Variants in VWC2L observed in about 807,000 individuals in gnomAD.
VWC2L encodes the protein von Willebrand factor C domain containing 2 like, also known as von Willebrand factor C domain-containing protein 2-like.
A neutral mutation model predicts 21.6 loss-of-function variants in VWC2L; 10 were observed. That is an observed-to-expected ratio of 0.46 (90% CI 0.29 to 0.78). The LOEUF is 0.78. VWC2L is among the 30% of genes least tolerant of loss of function. VWC2L has a pLI of 0.10. For synonymous variants in VWC2L, 96 were observed against 94.3 expected (o/e 1.02, Z -0.10); for missense variants, 209 against 277.1 (o/e 0.75, Z 1.74).
intron 3 of VWC2L, among the ~76,000 whole-genome samples, chr2:214,506,257 T>C (rs1469152794): frequency 6.6e-6 from 1 of 152,202 alleles, no homozygotes; most frequent in Non-Finnish European, 1.5e-5. Context: ...GAAGGATTTA[T>C]ATCTGTAGCA....
intron 2 of VWC2L, 97 bp downstream of exon 2, chr2:214,414,680 T>A: frequency 1.5e-6 from 2 of 1,333,466 alleles, no homozygotes; most frequent in Non-Finnish European, 2.0e-6. Flanking sequence ...AAATGTACTT[T>A]AAAATTTCCC....
chr2:214,562,939 G>A (rs1267686758), intron 3 of VWC2L, among the ~76,000 whole-genome samples: 1 of 152,080 alleles, frequency 6.6e-6, no homozygotes, highest in African/African-American at 2.4e-5. Flanking sequence ...TAGTTTTGCT[G>A]TACAGAAGAT....
At chr2:214,489,000 G>T (rs553427894) in intron 3 of VWC2L, among the ~76,000 whole-genome samples, 1 of 152,274 alleles carries the variant, frequency 6.6e-6, no homozygotes, top group Non-Finnish European at 1.5e-5. Context: ...TCACATTTCA[G>T]CATGAGATTT....
rs145054102 is a variant in VWC2L, at chr2:214,514,557, C to T, written c.521-61115C>T. ...CCCTCCACTTCAGCATATTCAGTTGCGAAGGGGCAACATTTTGCCAAGCAG... is the reference window on the plus strand; with the variant it reads ...CCCTCCACTTCAGCATATTCAGTTGTGAAGGGGCAACATTTTGCCAAGCAG... On this transcript the variant is annotated intron_variant, in intron 3 of 3. Coordinates refer to ENST00000312504, the MANE Select transcript of VWC2L (RefSeq NM_001080500.4). 7.8e-4 allele frequency among the ~76,000 whole-genome samples: 118 copies of T among 152,124 alleles called. 2 individuals carry two copies. In the East Asian group the frequency reaches 0.02, roughly 25 times the overall value.
intron 3 of VWC2L, among the ~76,000 whole-genome samples, chr2:214,497,782 T>G (rs1175027721): frequency 6.6e-6 from 1 of 152,206 alleles, no homozygotes; most frequent in Non-Finnish European, 1.5e-5. Context: ...GGATTTATAT[T>G]CATAACAAAC....
At chr2:214,452,597 T>C (rs1702975969) in intron 3 of VWC2L, among the ~76,000 whole-genome samples, 1 of 152,186 alleles carries the variant, frequency 6.6e-6, no homozygotes, top group Non-Finnish European at 1.5e-5. Context: ...ACTTTCTTTT[T>C]TGAATATGCC....
At chr2:214,520,485 C>T (rs1213502429) in intron 3 of VWC2L, among the ~76,000 whole-genome samples, 2 of 152,122 alleles carry the variant, frequency 1.3e-5, no homozygotes, top group Non-Finnish European at 2.9e-5. Flanking sequence ...GACCATGAGT[C>T]TTTGTTCATG....
intron 3 of VWC2L, among the ~76,000 whole-genome samples, chr2:214,437,901 C>T (rs987123074): frequency 2.0e-5 from 3 of 152,008 alleles, no homozygotes; most frequent in African/African-American, 4.8e-5. Context: ...TCCAGATACA[C>T]GTTTTGCTAT....
At position 214,444,560 on chromosome 2, in the gene VWC2L, A is replaced by C. The variant is rs550469776; in HGVS notation, c.520+7802A>C. Among the ~76,000 whole-genome samples the C allele has an allele frequency of 8.5e-5, 13 of 152,186 alleles. No homozygotes were observed. In the South Asian group the frequency reaches 2.5e-3, roughly 29 times the overall value. On this transcript the variant is annotated intron_variant, in intron 3 of 3. Transcript: ENST00000312504. Reference sequence around the variant, plus strand: ...GATGTAACTTTTTAAATAAGTTGACAAAATAAACATTTCTTGTGAAAATGT... The same window carrying C: ...GATGTAACTTTTTAAATAAGTTGACCAAATAAACATTTCTTGTGAAAATGT...
At chr2:214,473,159 G>T (rs1048490430) in intron 3 of VWC2L, among the ~76,000 whole-genome samples, 1 of 152,144 alleles carries the variant, frequency 6.6e-6, no homozygotes, top group African/African-American at 2.4e-5. Context: ...TAAGCAAATT[G>T]CTCACAATAA....
chr2:214,467,051 G>T (rs539193216), intron 3 of VWC2L, among the ~76,000 whole-genome samples: 6 of 152,160 alleles, frequency 3.9e-5, no homozygotes, highest in African/African-American at 1.2e-4. Context: ...ACAAAGTTAC[G>T]TGGAAATACT....
chr2:214,430,459 GGAGA>G (rs1465206652), intron 2 of VWC2L, among the ~76,000 whole-genome samples: 1 of 152,076 alleles, frequency 6.6e-6, no homozygotes, highest in Non-Finnish European at 1.5e-5. Context: ...TATTGGAGTA[GGAGA>G]GATATATAGT....
At chr2:214,425,481 T>C (rs999812215) in intron 2 of VWC2L, among the ~76,000 whole-genome samples, 5 of 152,248 alleles carry the variant, frequency 3.3e-5, no homozygotes, top group African/African-American at 1.2e-4. Flanking sequence ...TAATTTTCCA[T>C]TCACTGAAAA....
chr2:214,574,651 C>T (rs955281668), intron 3 of VWC2L, among the ~76,000 whole-genome samples: 2 of 152,176 alleles, frequency 1.3e-5, no homozygotes, highest in Non-Finnish European at 2.9e-5. Flanking sequence ...ACTCAACATT[C>T]TCTCTCTTTA....
chr2:214,439,256 A>C (rs981944893), intron 3 of VWC2L, among the ~76,000 whole-genome samples: 3 of 152,036 alleles, frequency 2.0e-5, no homozygotes, highest in Non-Finnish European at 4.4e-5. Context: ...AATGATATAT[A>C]GAAGACATGG....
chr2:214,443,666 G>C (rs945109871), intron 3 of VWC2L, among the ~76,000 whole-genome samples: 1 of 152,032 alleles, frequency 6.6e-6, no homozygotes, highest in Non-Finnish European at 1.5e-5. Context: ...GACTGAAGTG[G>C]ACAATTTTTA....
intron 3 of VWC2L, among the ~76,000 whole-genome samples, chr2:214,521,280 A>AT (rs1264716405): frequency 0.059 from 8,634 of 147,056 alleles, 317 homozygotes; most frequent in Non-Finnish European, 0.075. Context: ...AATAAATAAA[A>AT]CTACCAAGTT....
chr2:214,427,258 T>G (rs1702538741), intron 2 of VWC2L, among the ~76,000 whole-genome samples: 1 of 152,120 alleles, frequency 6.6e-6, no homozygotes, highest in African/African-American at 2.4e-5. Flanking sequence ...CCCCCAACAT[T>G]AAAAATAAAA....
intron 3 of VWC2L, 113 bp from the exon 4 acceptor site, chr2:214,575,559 C>G: frequency 8.6e-7 from 1 of 1,160,978 alleles, no homozygotes; most frequent in Non-Finnish European, 1.2e-6. Context: ...GATGATAAGT[C>G]AGTAGAGTAG....
Sources: allele counts gnomAD v4.1 joint callset (sites outside exome capture counted in the v4.1 genomes callset), GRCh38; gene constraint gnomAD v4.1.1; transcripts MANE v1.5; gene names NCBI Gene and HGNC (gene_info 2026-07-23, HGNC 2026-07-21).